SDK2: variants seen among roughly 807,000 people sequenced by gnomAD.
The protein encoded by SDK2 is protein sidekick-2.
Under a neutral mutation model 253.9 loss-of-function variants are expected in SDK2, and 105 were observed. That is an observed-to-expected ratio of 0.41 (90% CI 0.35 to 0.49). The LOEUF (loss-of-function observed/expected upper bound fraction) is 0.49, where lower values mean the gene tolerates loss of function less well. Ranked by LOEUF, SDK2 falls within the 20% of genes least tolerant of loss-of-function variation. The pLI, the probability that SDK2 is intolerant of heterozygous loss-of-function variation, is 0.06. For synonymous variants in SDK2, 1,249 were observed against 1,234.9 expected, an observed-to-expected ratio of 1.01 and a Z score of -0.24; for missense variants, 2,608 against 3,003.0, an observed-to-expected ratio of 0.87 and a Z score of 3.07.
At chr17:73,466,948 A>G (rs1400975902) in intron 3 of SDK2, among the ~76,000 whole-genome samples, 2 of 152,136 alleles carry the variant, frequency 1.3e-5, no homozygotes, top group South Asian at 2.1e-4. Context: ...GCGAGAATCC[A>G]CGCTTTCGGA....
At chr17:73,619,755 T>C (rs2062975039) in intron 1 of SDK2, among the ~76,000 whole-genome samples, 1 of 152,192 alleles carries the variant, frequency 6.6e-6, no homozygotes. Context: ...ATCTTTTGTG[T>C]ATCAAAGGGC....
intron 1 of SDK2, among the ~76,000 whole-genome samples, chr17:73,580,879 A>G (rs1255496444): frequency 2.0e-5 from 3 of 152,226 alleles, no homozygotes; most frequent in Non-Finnish European, 4.4e-5. Context: ...TGACATTCAA[A>G]GGAAACGCTC....
intron 12 of SDK2, 104 bp downstream of exon 12, chr17:73,430,407 G>A: frequency 1.2e-6 from 1 of 824,784 alleles, no homozygotes; most frequent in South Asian, 1.5e-5. Context: ...AGAAGGCGTG[G>A]CTCTGCAGCT....
chr17:73,460,100 G>T (rs569012453), intron 3 of SDK2, among the ~76,000 whole-genome samples: 1 of 152,284 alleles, frequency 6.6e-6, no homozygotes, highest in South Asian at 2.1e-4. Context: ...AGTAGAATGT[G>T]CAGGAAGTGA....
intron 29 of SDK2, among the ~76,000 whole-genome samples, chr17:73,389,497 T>C (rs530923471): frequency 2.6e-5 from 4 of 152,166 alleles, no homozygotes; most frequent in South Asian, 2.1e-4. Flanking sequence ...AGCTAATATT[T>C]CTATGTTCTG....
intron 2 of SDK2, among the ~76,000 whole-genome samples, chr17:73,506,633 G>T (rs1285526575): frequency 6.6e-6 from 1 of 152,210 alleles, no homozygotes; most frequent in African/African-American, 2.4e-5. Context: ...CAACAAAACC[G>T]ATTATGCACA....
chr17:73,537,228 T>C (rs2044790217), intron 1 of SDK2, among the ~76,000 whole-genome samples: 1 of 152,178 alleles, frequency 6.6e-6, no homozygotes. Context: ...GAAATCAAAG[T>C]TGAAACTCAG....
At chr17:73,365,467 G>A (rs2062676843) in intron 37 of SDK2, 72 bp from the exon 38 acceptor site, 1 of 1,457,268 alleles carries the variant, frequency 6.9e-7, no homozygotes, top group East Asian at 2.6e-5. Context: ...CAGCTCCAAG[G>A]AGCTAGCGGG....
intron 1 of SDK2, among the ~76,000 whole-genome samples, chr17:73,545,115 A>ACACACG (rs544603287): frequency 0.021 from 3,134 of 151,870 alleles, 62 homozygotes; most frequent in Non-Finnish European, 0.027. Flanking sequence ...ACACACACAC[A>ACACACG]CACACACACA....
chr17:73,449,224 C>A (rs1363593337), intron 4 of SDK2, among the ~76,000 whole-genome samples: 1 of 152,192 alleles, frequency 6.6e-6, no homozygotes, highest in African/African-American at 2.4e-5. Flanking sequence ...GCTCTTCCTC[C>A]CTCCACCCAT....
At position 73,350,753 on chromosome 17, in the gene SDK2, G is replaced by A. The variant is rs953174501; in HGVS notation, c.5796C>T (p.Phe1932=). Residue 1932 remains phenylalanine, a synonymous_variant, in exon 42 of 45, where the codon TTC becomes TTT. Transcript: ENST00000392650. ...GGCCGACCAGGGCAATGACCACCAA[G>A]AACCACCACTCCTCATAGAAGGGGT... is the stretch of plus-strand genomic sequence containing the variant. ...KANPFYEEWW[F]LVVIALVGLI... 8 of 1,613,282 alleles carry A rather than the reference G, an allele frequency of 5.0e-6. No homozygotes were observed. The highest frequency in any genetic ancestry group is 1.7e-5 in the Admixed American group (1 of 59,892).
At chr17:73,563,898 G>A (rs538621647) in intron 1 of SDK2, among the ~76,000 whole-genome samples, 1 of 151,860 alleles carries the variant, frequency 6.6e-6, no homozygotes, top group South Asian at 2.1e-4. Context: ...TTAGCCTCCC[G>A]AGTAGCATGT....
intron 25 of SDK2, 82 bp from the exon 26 acceptor site, chr17:73,394,406 G>C: frequency 3.7e-6 from 3 of 818,888 alleles, no homozygotes; most frequent in Non-Finnish European, 3.5e-6. Context: ...ACAGGGGGCC[G>C]AGGGAGGGGC....
intron 1 of SDK2, among the ~76,000 whole-genome samples, chr17:73,557,101 A>C (rs2045155055): frequency 6.6e-6 from 1 of 152,222 alleles, no homozygotes; most frequent in African/African-American, 2.4e-5. Flanking sequence ...AAACCGAGCA[A>C]ATCAATTTCT....
chr17:73,624,422 G>A (rs2046175248), intron 1 of SDK2, among the ~76,000 whole-genome samples: 2 of 152,220 alleles, frequency 1.3e-5, no homozygotes, highest in African/African-American at 2.4e-5. Context: ...GAATCCGGGA[G>A]TGGCAGATGG....
intron 41 of SDK2, among the ~76,000 whole-genome samples, chr17:73,351,933 T>C (rs1568361762): frequency 6.6e-6 from 1 of 151,974 alleles, no homozygotes; most frequent in South Asian, 2.1e-4. Flanking sequence ...GGGTGGTTAG[T>C]GATAACATTT....
At chr17:73,547,458 G>A (rs370895080) in intron 1 of SDK2, among the ~76,000 whole-genome samples, 51 of 152,246 alleles carry the variant, frequency 3.3e-4, no homozygotes, top group African/African-American at 1.1e-3. Flanking sequence ...GAACCTCTCT[G>A]TGCTGCATGT....
At chr17:73,470,746 A>T (rs1414323534) in intron 3 of SDK2, among the ~76,000 whole-genome samples, 1 of 152,198 alleles carries the variant, frequency 6.6e-6, no homozygotes, top group African/African-American at 2.4e-5. Flanking sequence ...TTAAGTAGCA[A>T]GCTCTCTCTT....
chr17:73,528,857 C>G (rs547201197), intron 1 of SDK2, among the ~76,000 whole-genome samples: 117 of 152,296 alleles, frequency 7.7e-4, no homozygotes, highest in Non-Finnish European at 1.4e-3. Flanking sequence ...ACGGACCAAT[C>G]AATACAGCCA....
Sources: allele counts gnomAD v4.1 joint callset (sites outside exome capture counted in the v4.1 genomes callset), GRCh38; gene constraint gnomAD v4.1.1; transcripts MANE v1.5; gene names NCBI Gene and HGNC (gene_info 2026-07-23, HGNC 2026-07-21).